The following KIF13A variants were observed in gnomAD, a reference collection of about 807,000 sequenced individuals.
The protein encoded by KIF13A is kinesin-like protein KIF13A.
A neutral mutation model predicts 212.2 loss-of-function variants in KIF13A; 79 were observed. That is an observed-to-expected ratio of 0.37 (90% CI 0.31 to 0.45). The LOEUF is 0.45. Ranked by LOEUF, KIF13A falls within the 20% of genes least tolerant of loss-of-function variation. KIF13A has a pLI of 1.00. For missense variants in KIF13A, 1,901 were observed against 2,209.0 expected, an observed-to-expected ratio of 0.86 and a Z score of 2.79; for synonymous variants, 789 against 808.6, an observed-to-expected ratio of 0.98 and a Z score of 0.41.
chr6:17,836,743 T>C, intron 11 of KIF13A, 135 bp downstream of exon 11: 1 of 804,858 alleles, frequency 1.2e-6, no homozygotes, highest in Non-Finnish European at 2.0e-6. Context: ...TGATTACAAT[T>C]CAACATGAGA....
intron 2 of KIF13A, among the ~76,000 whole-genome samples, chr6:17,936,757 A>G (rs920628450): frequency 6.6e-6 from 1 of 152,232 alleles, no homozygotes; most frequent in Non-Finnish European, 1.5e-5. Flanking sequence ...AACGAATAAT[A>G]CAAACATTCA....
At chr6:17,814,135 T>C (rs1763694955) in intron 17 of KIF13A, among the ~76,000 whole-genome samples, 1 of 151,678 alleles carries the variant, frequency 6.6e-6, no homozygotes, top group Non-Finnish European at 1.5e-5. Flanking sequence ...GTATTTTTAG[T>C]AGAGATGGGG....
Position 17,933,400 on chromosome 6 carries a change from G to C in KIF13A, c.147-35220C>G, listed in dbSNP as rs550513626. On this transcript the variant is annotated intron_variant, in intron 2 of 38. Transcript: ENST00000259711. ...TAGCTGGCACGCACCACCACACCCA[G>C]CTCATTTTTTTTTTTTTTTTTTTTG... is the stretch of plus-strand genomic sequence containing the variant. Among the ~76,000 whole-genome samples the C allele has an allele frequency of 3.6e-4, 48 of 133,914 alleles. No individual in the cohort carries two copies. In the South Asian group the frequency reaches 6.0e-3, roughly 17 times the overall value. The allele number at this position is 133,914 out of a possible 152,430, so 87.9% of individuals were successfully genotyped here.
chr6:17,817,121 C>G lies in KIF13A; in HGVS notation c.1899G>C (p.Gln633His), dbSNP rs1764019791. The G allele has an allele frequency of 1.2e-6, 2 of 1,614,042 alleles. No individual in the cohort carries two copies. The highest frequency in any genetic ancestry group is 1.3e-5 in the African/African-American group (1 of 75,072). ...MYERELEQLR[Q>H]QLSPDRQPQS... The stretch of plus-strand genomic sequence containing the variant: ...GTGGCTGCCTGTCGGGGGAGAGCTG[C>G]TGGCGGAGTTGCTCCAGTTCCCGCT... The change falls in exon 17 of 39, where the codon CAG becomes CAC. Residue 633 changes from glutamine to histidine, a missense_variant. This residue lies in a region of KIF13A where 534 missense variants were observed against 536.9 expected (regional missense o/e 0.99). Transcript: ENST00000259711.
At position 17,898,042 on chromosome 6, in the gene KIF13A, A is replaced by T; in HGVS notation, c.159+126T>A. ...ACTGATATTAATTGTTCATGATGTGAGTTTTAAATTAGGATGCTGTTTTCA... is the reference window on the plus strand; with the variant it reads ...ACTGATATTAATTGTTCATGATGTGTGTTTTAAATTAGGATGCTGTTTTCA... On this transcript the variant is annotated intron_variant, in intron 3 of 38. Transcript: ENST00000259711. This position sits in a 1 kb window ranked among gnomAD's most constrained non-coding sequence, Gnocchi z 5.2. The T allele has an allele frequency of 1.3e-6, 1 of 789,992 alleles. No individual in the cohort carries two copies. Among genetic ancestry groups the T allele is most frequent in the Non-Finnish European group, 2.0e-6 (1 of 491,118 alleles). The allele number at this position is 789,992 out of a possible 1,614,324, so 48.9% of individuals were successfully genotyped here. A position where few individuals can be genotyped will look rare whatever the true frequency, so the allele number is the denominator to read the frequency against.
intron 16 of KIF13A, among the ~76,000 whole-genome samples, chr6:17,823,399 C>T (rs1174914549): frequency 6.6e-6 from 1 of 151,438 alleles, no homozygotes; most frequent in East Asian, 2.0e-4. Context: ...GTCTTTCTCT[C>T]TCTCTCTCTC....
rs758205572 is a variant in KIF13A at position 17,804,453 on chromosome 6, T to G, written c.2362A>C (p.Asn788His). 3.1e-6 allele frequency: 5 copies of G among 1,588,304 alleles called. No homozygotes were observed. In the East Asian group the frequency reaches 9.1e-5, roughly 29 times the overall value. Residue 788 changes from asparagine (N) to histidine (H), a missense_variant, in exon 20 of 39, where the codon AAC becomes CAC. By Grantham distance (68) the Asn-to-His change is moderately conservative. Transcript: ENST00000259711. ...DPFYEAQENHNLIGVANVFLE... is the reference protein window; with the variant it reads ...DPFYEAQENHHLIGVANVFLE... ...AATACATTCGCCACCCCGATGAGGTTGTGATTTTCTTGGGCTTCATAGAAA... is the reference window on the plus strand; with the variant it reads ...AATACATTCGCCACCCCGATGAGGTGGTGATTTTCTTGGGCTTCATAGAAA...
chr6:17,898,223 G>C lies in KIF13A; in HGVS notation c.147-43C>G. ...AAAAATTCAGCAGCAGGGATACAGAGGGTTGTCAACACAGCAGCCACATCA... is the reference window on the plus strand; with the variant it reads ...AAAAATTCAGCAGCAGGGATACAGACGGTTGTCAACACAGCAGCCACATCA... On this transcript the variant is annotated intron_variant, in intron 2 of 38. Transcript: ENST00000259711. The surrounding 1 kb of genome is among the most constrained non-coding windows in gnomAD (Gnocchi z 5.2). The C allele has an allele frequency of 6.2e-7, 1 of 1,605,274 alleles. No homozygotes were observed. Among genetic ancestry groups the C allele is most frequent in the Non-Finnish European group, 8.5e-7 (1 of 1,173,282 alleles).
intron 3 of KIF13A, among the ~76,000 whole-genome samples, chr6:17,874,180 A>G (rs1770277318): frequency 6.6e-6 from 1 of 152,062 alleles, no homozygotes; most frequent in Non-Finnish European, 1.5e-5. Context: ...TATCATCTGT[A>G]GCATACTGAA....
At chr6:17,977,180 A>C (rs1236262363) in intron 2 of KIF13A, among the ~76,000 whole-genome samples, 1 of 151,932 alleles carries the variant, frequency 6.6e-6, no homozygotes, top group Admixed American at 6.6e-5. Flanking sequence ...ACCAAATCAG[A>C]ACATGTCAGG....
intron 9 of KIF13A, among the ~76,000 whole-genome samples, chr6:17,841,285 G>A (rs10807620): frequency 0.3 from 44,943 of 151,740 alleles, 6,962 homozygotes; most frequent in South Asian, 0.38. Context: ...GGCTGGTCTT[G>A]AACTACTGGA....
intron 4 of KIF13A, among the ~76,000 whole-genome samples, chr6:17,860,401 C>G (rs552448504): frequency 6.6e-6 from 1 of 152,200 alleles, no homozygotes; most frequent in African/African-American, 2.4e-5. Flanking sequence ...GTTGGCCAGG[C>G]TGGTCTCGAA....
chr6:17,963,871 T>C lies in KIF13A; in HGVS notation c.146+23183A>G, dbSNP rs1316404587. 1.3e-5 allele frequency among the ~76,000 whole-genome samples: 2 copies of C among 152,162 alleles called. No individual in the cohort carries two copies. The highest frequency in any genetic ancestry group is 4.8e-5 in the African/African-American group (2 of 41,452). The stretch of plus-strand genomic sequence containing the variant: ...TGCCTGGCCAATATGTTCTATATCT[T>C]AATGGTGATAGTGGTTAATCAGGCA... On this transcript the variant is annotated intron_variant, in intron 2 of 38. Transcript: ENST00000259711. This position sits in a 1 kb window ranked among gnomAD's most constrained non-coding sequence, Gnocchi z 4.1.
In KIF13A at chr6:17,794,671, C is replaced by A. The variant is rs780021482; in HGVS notation, c.2976G>T (p.Trp992Cys). 1 of 1,612,106 alleles carries A rather than the reference C, an allele frequency of 6.2e-7. No homozygotes were observed. ...ACTCATTCAATTCTAATATGGAGAT[C>A]CACATTTCTATTCTTCGCGTTACTT... ...WNEVTRRIEM[W>C]ISILELNELG... The change falls in exon 24 of 39, where the codon TGG becomes TGT. Residue 992 changes from tryptophan to cysteine, a missense_variant. Physicochemically the swap from Trp to Cys is radical, Grantham distance 215. Transcript: ENST00000259711. The surrounding 1 kb of genome is among the most constrained non-coding windows in gnomAD (Gnocchi z 4.1).
intron 2 of KIF13A, among the ~76,000 whole-genome samples, chr6:17,965,483 A>G (rs1454219581): frequency 6.6e-6 from 1 of 152,262 alleles, no homozygotes; most frequent in Non-Finnish European, 1.5e-5. Flanking sequence ...CAGAGTTCAC[A>G]TGCAGAAATG....
intron 4 of KIF13A, among the ~76,000 whole-genome samples, chr6:17,859,253 T>C (rs949081447): frequency 2.0e-5 from 3 of 152,014 alleles, no homozygotes; most frequent in Non-Finnish European, 2.9e-5. Flanking sequence ...AGGATGTGTA[T>C]ACTAAAATTG....
chr6:17,849,351 G>A lies in KIF13A; in HGVS notation c.830+26C>T, dbSNP rs377076773. Reference sequence around the variant, plus strand: ...ATCCCCTCCAGAAGGAAATCACCCAGGCTGTTCTGGGACCAGCCACCTTAC... The same window carrying A: ...ATCCCCTCCAGAAGGAAATCACCCAAGCTGTTCTGGGACCAGCCACCTTAC... On this transcript the variant is annotated intron_variant, in intron 9 of 38. Coordinates refer to ENST00000259711, the MANE Select transcript of KIF13A (RefSeq NM_022113.6). The surrounding 1 kb of genome is among the most constrained non-coding windows in gnomAD (Gnocchi z 5.7). The A allele has an allele frequency of 2.6e-5, 39 of 1,516,758 alleles. No homozygotes were observed. Among genetic ancestry groups the A allele is most frequent in the Non-Finnish European group, 3.4e-5 (37 of 1,097,040 alleles). 94.0% of individuals were successfully genotyped at this position (1,516,758 alleles called of 1,614,324 possible).
rs202023334 is a variant in KIF13A at position 17,852,046 on chromosome 6, C to T, written c.495-4G>A. On this transcript the variant is annotated splice_polypyrimidine_tract_variant and splice_region_variant and intron_variant, in intron 6 of 38. Coordinates refer to ENST00000259711, the MANE Select transcript of KIF13A (RefSeq NM_022113.6). ...AACTTTAAGAGACTGTCTACTCCTG[C>T]GGGAGGGAGGAAAAAGGAATAAATG... 16 of 1,451,886 alleles carry T rather than the reference C, an allele frequency of 1.1e-5. No homozygotes were observed. The highest frequency in any genetic ancestry group is 2.6e-5 in the East Asian group (1 of 38,352). The allele number at this position is 1,451,886 out of a possible 1,614,324, so 89.9% of individuals were successfully genotyped here.
rs775235336 is a variant in KIF13A, at chr6:17,787,561, G to A, written c.3361+215C>T. Among the ~76,000 whole-genome samples, 10 of 152,162 alleles carry A rather than the reference G, an allele frequency of 6.6e-5. No individual in the cohort carries two copies. The highest frequency in any genetic ancestry group is 8.8e-5 in the Non-Finnish European group (6 of 68,036). Reference sequence around the variant, plus strand: ...AGCTACTCAGGAGGCTGAGGCAGGAGGATCTCTTGAGGCCAGGAGTTAGAG... The same window carrying A: ...AGCTACTCAGGAGGCTGAGGCAGGAAGATCTCTTGAGGCCAGGAGTTAGAG... On this transcript the variant is annotated intron_variant, in intron 27 of 38. Transcript: ENST00000259711. This position sits in a 1 kb window ranked among gnomAD's most constrained non-coding sequence, Gnocchi z 4.6.
Sources: gnomAD v4.1 joint callset for allele counts (sites outside exome capture counted in the v4.1 genomes callset) on GRCh38, gnomAD v4.1.1 for gene constraint, gnomAD v4.1.1 regional missense constraint, Gnocchi (gnomAD v3.1) non-coding constraint, MANE v1.5 for transcripts, NCBI Gene and HGNC (gene_info 2026-07-23, HGNC 2026-07-21) for gene names.